The following PSMD6 variants were observed in gnomAD, a reference collection of about 807,000 sequenced individuals.
The protein encoded by PSMD6 is proteasome 26S subunit, non-ATPase 6.
Under a neutral mutation model 44.9 loss-of-function variants are expected in PSMD6, and 7 were observed. The ratio of observed to expected loss-of-function variants is 0.16; its 90% CI spans 0.09 to 0.29. The LOEUF (loss-of-function observed/expected upper bound fraction) is 0.29. Ranked by LOEUF, PSMD6 falls within the 10% of genes least tolerant of loss-of-function variation. PSMD6 has a pLI of 1.00. For synonymous variants in PSMD6, 184 were observed against 172.7 expected (o/e 1.07, Z -0.51); for missense variants, 420 against 482.6 (o/e 0.87, Z 1.21).
intron 6 of PSMD6, chr3:64,012,769 C>T (rs2075980524): frequency 6.6e-6 from 1 of 152,328 alleles, no homozygotes; most frequent in Non-Finnish European, 1.5e-5. Context: ...GCTGACTCCT[C>T]TCAATTCAAA....
chr3:64,023,999 ATTCT>A (rs2076177268), upstream of PSMD6: 13 of 466,014 alleles, frequency 2.8e-5, no homozygotes, highest in South Asian at 6.4e-4. Context: ...TAAAATCCAC[ATTCT>A]TTCTGCGGTT....
At position 64,018,983 on chromosome 3, in the gene PSMD6, C is replaced by G. The variant is rs1576034438; in HGVS notation, c.552G>C (p.Gln184His). 1 of 1,612,824 alleles carries G rather than the reference C, an allele frequency of 6.2e-7. No homozygotes were observed. The highest frequency in any genetic ancestry group is 8.5e-7 in the Non-Finnish European group (1 of 1,179,004). Reference sequence around the variant, plus strand: ...CACGAATAGCCACACAATAAAGACCCTGATACACTTTTAGGCGGTTTCTCC... The same window carrying G: ...CACGAATAGCCACACAATAAAGACCGTGATACACTTTTAGGCGGTTTCTCC... ...WDRRNRLKVY[Q>H]GLYCVAIRDF... Residue 184 changes from glutamine (Q) to histidine (H), a missense_variant, in exon 4 of 8, where the codon CAG becomes CAC. Gln to His is a conservative substitution (Grantham distance 24, BLOSUM62 0). This residue lies in a region of PSMD6 where 216 missense variants were observed against 227.0 expected (regional missense o/e 0.95). Transcript: ENST00000295901.
intron 5 of PSMD6, chr3:64,014,014 T>C (rs2076005554): frequency 6.5e-6 from 1 of 154,228 alleles, no homozygotes; most frequent in Non-Finnish European, 1.4e-5. Context: ...AGAAAAAAGG[T>C]ATAAATCAGA....
At chr3:64,023,606 T>C, upstream of PSMD6, 1 of 1,415,918 alleles carries the variant, frequency 7.1e-7, no homozygotes, top group Non-Finnish European at 9.2e-7. Flanking sequence ...CCTGCGCCCC[T>C]GTGTGGTCAC....
At chr3:64,013,241 T>C in intron 6 of PSMD6, 198 bp downstream of exon 6, 1 of 488,036 alleles carries the variant, frequency 2.0e-6, no homozygotes. Context: ...TCCCATCTGT[T>C]AATGCAAGGG....
Position 64,022,336 on chromosome 3 carries a change from G to C in PSMD6, c.333C>G (p.Leu111=), listed in dbSNP as rs1040599566. 1.9e-6 allele frequency: 3 copies of C among 1,614,202 alleles called. No homozygotes were observed. In the South Asian group the frequency reaches 3.3e-5, roughly 18 times the overall value. ...TACTCACTTTGTCACCTATCCGGCA[G>C]AGGTACTCGGCCTTTGCCATCATTG... The part of the protein sequence containing the change: ...RDAMMAKAEY[L]CRIGDKEGAL... Residue 111 remains leucine (L), a synonymous_variant, in exon 2 of 8, where the codon CTC becomes CTG. Coordinates refer to ENST00000295901, the MANE Select transcript of PSMD6 (RefSeq NM_014814.3).
chr3:64,011,029 A>ACTGT (rs1559671951), intron 6 of PSMD6, 74 bp from the exon 7 acceptor site: 1 of 1,222,120 alleles, frequency 8.2e-7, no homozygotes, highest in African/African-American at 1.5e-5. Context: ...GCATTAAAAT[A>ACTGT]CTGTCTTAAA....
rs549444078 is a variant in PSMD6 at position 64,013,701 on chromosome 3, T to C, written c.827-94A>G. On this transcript the variant is annotated intron_variant, in intron 5 of 7. Coordinates refer to ENST00000295901, the MANE Select transcript of PSMD6 (RefSeq NM_014814.3). The stretch of plus-strand genomic sequence containing the variant: ...AACACTACTAGTTGAGTCCAACAGA[T>C]AGATGAACAAGTATCAAATTTCTCA... 1.1e-5 allele frequency: 13 copies of C among 1,134,240 alleles called. No homozygotes were observed. The East Asian group carries it at 3.0e-4, about 27-fold the overall frequency. The allele number at this position is 1,134,240 out of a possible 1,614,324, so 70.3% of individuals were successfully genotyped here.
intron 1 of PSMD6, 103 bp downstream of exon 1, chr3:64,023,172 G>A (rs559411690): frequency 2.8e-6 from 4 of 1,438,634 alleles, no homozygotes; most frequent in Non-Finnish European, 3.6e-6. Flanking sequence ...CTGAGACCCC[G>A]TCAGAGGGGT....
rs776191668 is a variant in PSMD6 at position 64,022,345 on chromosome 3, G to C, written c.324C>G (p.Ala108=). Residue 108 remains alanine (A), a synonymous_variant, in exon 2 of 8, where the codon GCC becomes GCG. Coordinates refer to ENST00000295901, the MANE Select transcript of PSMD6 (RefSeq NM_014814.3). ...TGTCACCTATCCGGCAGAGGTACTC[G>C]GCCTTTGCCATCATTGCATCGCGAA... The part of the protein sequence containing the change: ...SEIRDAMMAK[A]EYLCRIGDKE... The C allele has an allele frequency of 1.2e-6, 2 of 1,614,042 alleles. No individual in the cohort carries two copies. Among genetic ancestry groups the C allele is most frequent in the Admixed American group, 1.7e-5 (1 of 59,998 alleles).
chr3:64,022,848 T>C (rs1483122547), intron 1 of PSMD6: 1 of 1,531,694 alleles, frequency 6.5e-7, no homozygotes, highest in South Asian at 1.2e-5. Flanking sequence ...CACATACATA[T>C]GTTCAAACAT....
intron 2 of PSMD6, among the ~76,000 whole-genome samples, chr3:64,021,744 G>C (rs190953573): frequency 6.6e-6 from 1 of 151,820 alleles, no homozygotes; most frequent in African/African-American, 2.4e-5. Context: ...CCAGCAGGTG[G>C]AGGTTGCAGT....
chr3:64,013,428 T>C lies in PSMD6; in HGVS notation c.995+11A>G. 6.5e-7 allele frequency: 1 copy of C among 1,548,064 alleles called. No homozygotes were observed. The highest frequency in any genetic ancestry group is 1.2e-5 in the South Asian group (1 of 81,992). On this transcript the variant is annotated intron_variant, in intron 6 of 7. Coordinates refer to ENST00000295901, the MANE Select transcript of PSMD6 (RefSeq NM_014814.3). ...TAAAACTTCAATTAACATGGCATTA[T>C]TCAAACTTACTGATCAATGAATTCC... is the stretch of plus-strand genomic sequence containing the variant.
rs771058207 is a variant in PSMD6 at position 64,022,340 on chromosome 3, T to C, written c.329A>G (p.Tyr110Cys). The part of the protein sequence containing the change: ...IRDAMMAKAE[Y>C]LCRIGDKEGA... ...CACTTTGTCACCTATCCGGCAGAGGTACTCGGCCTTTGCCATCATTGCATC... is the reference window on the plus strand; with the variant it reads ...CACTTTGTCACCTATCCGGCAGAGGCACTCGGCCTTTGCCATCATTGCATC... The change falls in exon 2 of 8, where the codon TAC becomes TGC. Residue 110 changes from tyrosine to cysteine, a missense_variant. Around this residue, in one of 4 missense-constraint regions of PSMD6, gnomAD observed 216 missense variants for 227.0 expected, o/e 0.95. Coordinates refer to ENST00000295901, the MANE Select transcript of PSMD6 (RefSeq NM_014814.3). 1.9e-6 allele frequency: 3 copies of C among 1,614,098 alleles called. No individual in the cohort carries two copies. In the South Asian group the frequency reaches 3.3e-5, roughly 18 times the overall value.
At chr3:64,012,388 T>C (rs2075972181) in intron 6 of PSMD6, 1 of 152,142 alleles carries the variant, frequency 6.6e-6, no homozygotes. Flanking sequence ...AACTCTACTC[T>C]CACCACCCTC....
intron 2 of PSMD6, chr3:64,019,827 C>T (rs781208257): frequency 1.8e-4 from 30 of 162,780 alleles, no homozygotes; most frequent in South Asian, 4.0e-4. Context: ...ATCTTAGTCG[C>T]TATTAGAATA....
upstream of PSMD6, chr3:64,023,604 C>T: frequency 1.4e-6 from 2 of 1,415,846 alleles, no homozygotes; most frequent in South Asian, 1.6e-5. Context: ...CGCCTGCGCC[C>T]CTGTGTGGTC....
upstream of PSMD6, chr3:64,023,960 G>A: frequency 2.9e-6 from 2 of 694,760 alleles, 1 homozygote; most frequent in Non-Finnish European, 4.5e-6. Context: ...ATGTCGCAAG[G>A]CCTAAATGAA....
chr3:64,019,584 G>T (rs1242985003), intron 2 of PSMD6, 143 bp from the exon 3 acceptor site: 2 of 785,246 alleles, frequency 2.5e-6, no homozygotes, highest in Admixed American at 6.8e-5. Context: ...GTTAATTGTT[G>T]AAGCTGGGTG....
Sources: gnomAD v4.1 joint callset for allele counts (sites outside exome capture counted in the v4.1 genomes callset) on GRCh38, gnomAD v4.1.1 for gene constraint, gnomAD v4.1.1 regional missense constraint, MANE v1.5 for transcripts, NCBI Gene and HGNC (gene_info 2026-07-23, HGNC 2026-07-21) for gene names.